Variants in RANBP2 observed in about 807,000 individuals in gnomAD.
RANBP2 encodes E3 SUMO-protein ligase RanBP2.
Under a neutral mutation model 303.6 loss-of-function variants are expected in RANBP2, and 57 were observed. That is an observed-to-expected ratio of 0.19 (90% CI 0.15 to 0.23). The LOEUF is 0.23. RANBP2 is among the 10% of genes least tolerant of loss of function. The pLI, the probability that RANBP2 is intolerant of heterozygous loss-of-function variation, is 1.00. For missense variants in RANBP2, 3,138 were observed against 3,780.8 expected (o/e 0.83, Z 4.46); for synonymous variants, 1,167 against 1,301.5 (o/e 0.90, Z 2.23).
At chr2:109,347,872 C>T in the RANBP2 span, 1 of 1,613,268 alleles carries the variant, frequency 6.2e-7, no homozygotes, top group Non-Finnish European at 8.5e-7. Context: ...GCCACACGCC[C>T]CGCCCCAGGG....
At chr2:108,911,218 G>A in the RANBP2 span, 2 of 1,022,688 alleles carry the variant, frequency 2.0e-6, no homozygotes, top group East Asian at 2.5e-5. Flanking sequence ...CTTAGACTGA[G>A]AACCAAATCC....
At chr2:108,823,321 G>C in the RANBP2 span, among the ~76,000 whole-genome samples, 1 of 152,114 alleles carries the variant, frequency 6.6e-6, no homozygotes, top group Non-Finnish European at 1.5e-5. Flanking sequence ...ACCAAAGCTA[G>C]ACAAAGACGC....
the RANBP2 span, among the ~76,000 whole-genome samples, chr2:109,662,032 G>A: frequency 3.9e-5 from 6 of 152,174 alleles, no homozygotes; most frequent in Admixed American, 1.3e-4. Flanking sequence ...TTCAGGGTCC[G>A]TCTCTGTATC....
chr2:109,037,145 T>A, the RANBP2 span, among the ~76,000 whole-genome samples: 1 of 151,016 alleles, frequency 6.6e-6, no homozygotes, highest in Non-Finnish European at 1.5e-5. Flanking sequence ...TGAGACCCTG[T>A]CTCAAAACAA....
At chr2:109,736,842 T>C in the RANBP2 span, among the ~76,000 whole-genome samples, 1 of 152,050 alleles carries the variant, frequency 6.6e-6, no homozygotes, top group Non-Finnish European at 1.5e-5. Flanking sequence ...AAAAATAAAA[T>C]GGTCACTCCC....
the RANBP2 span, among the ~76,000 whole-genome samples, chr2:109,161,285 CAGAGTT>C: frequency 1.3e-5 from 2 of 152,258 alleles, no homozygotes; most frequent in Non-Finnish European, 2.9e-5. Context: ...CAGGGTGCTA[CAGAGTT>C]AGGAGTGTGT....
At chr2:109,716,874 G>A in the RANBP2 span, among the ~76,000 whole-genome samples, 1 of 152,164 alleles carries the variant, frequency 6.6e-6, no homozygotes, top group Non-Finnish European at 1.5e-5. Context: ...ATAAGATAAG[G>A]TGAACATAGA....
At chr2:108,846,720 T>C in the RANBP2 span, 58 of 1,584,706 alleles carry the variant, frequency 3.7e-5, 1 homozygote, top group South Asian at 6.2e-4. Context: ...ATACTAAGAT[T>C]GTACATATTT....
the RANBP2 span, among the ~76,000 whole-genome samples, chr2:108,811,562 A>C: frequency 1.3e-5 from 2 of 151,730 alleles, no homozygotes; most frequent in East Asian, 3.9e-4. Flanking sequence ...TTCTTAGTCT[A>C]GCTCATGGTT....
At chr2:109,249,580 CTTCCT>C in the RANBP2 span, among the ~76,000 whole-genome samples, 112 of 102,632 alleles carry the variant, frequency 1.1e-3, 1 homozygote, top group South Asian at 2.2e-3. Context: ...TCCTTCCTTC[CTTCCT>C]TTCCTTTCTT....
chr2:109,088,624 G>A, the RANBP2 span, among the ~76,000 whole-genome samples: 4 of 152,006 alleles, frequency 2.6e-5, no homozygotes, highest in South Asian at 2.1e-4. Context: ...AGGTTCTCAC[G>A]CCTCAGCCTC....
chr2:109,717,763 A>G, the RANBP2 span, among the ~76,000 whole-genome samples: 2 of 150,594 alleles, frequency 1.3e-5, no homozygotes, highest in African/African-American at 4.9e-5. Context: ...AAAATACAAA[A>G]ATTAGCTGGG....
In RANBP2 at chr2:108,768,010, G is replaced by C. The variant is rs758152724; in HGVS notation, c.7471G>C (p.Ala2491Pro). Residue 2491 changes from alanine to proline, a missense_variant, in exon 20 of 29, where the codon GCA becomes CCA. Transcript: ENST00000283195. Reference protein sequence around the residue: ...DVIQGDDVADATSEVEVSSTS... With the variant: ...DVIQGDDVADPTSEVEVSSTS... ...TATTCAGGGTGATGATGTAGCAGAT[G>C]CAACTTCAGAAGTTGAAGTGTCTAG... 1 of 1,611,742 alleles carries C rather than the reference G, an allele frequency of 6.2e-7. No individual in the cohort carries two copies.
At chr2:109,691,788 T>TC in the RANBP2 span, among the ~76,000 whole-genome samples, 1 of 143,212 alleles carries the variant, frequency 7.0e-6, no homozygotes, top group Non-Finnish European at 1.6e-5. Flanking sequence ...TCAGTTTTTT[T>TC]GGTTTTTTTT....
At chr2:108,802,473 T>C in the RANBP2 span, among the ~76,000 whole-genome samples, 2 of 144,536 alleles carry the variant, frequency 1.4e-5, no homozygotes, top group Admixed American at 1.4e-4. Context: ...TTTTGTACAT[T>C]GATTTTGTAT....
chr2:108,986,073 G>A, the RANBP2 span, among the ~76,000 whole-genome samples: 1 of 152,108 alleles, frequency 6.6e-6, no homozygotes, highest in East Asian at 1.9e-4. Context: ...ACACTCTAAG[G>A]GCAATGATGA....
the RANBP2 span, among the ~76,000 whole-genome samples, chr2:109,541,232 C>T: frequency 2.0e-5 from 3 of 152,192 alleles, no homozygotes; most frequent in East Asian, 1.9e-4. Flanking sequence ...TGAGATCCCT[C>T]GATTTACCCC....
At chr2:109,356,413 C>T in the RANBP2 span, among the ~76,000 whole-genome samples, 1 of 152,180 alleles carries the variant, frequency 6.6e-6, no homozygotes, top group Non-Finnish European at 1.5e-5. Flanking sequence ...GGAGCCATGG[C>T]AGGGTCCACT....
the RANBP2 span, chr2:108,894,782 T>C: frequency 2.6e-5 from 4 of 152,168 alleles, no homozygotes; most frequent in East Asian, 7.7e-4. Context: ...TTTGTAACTA[T>C]ATAAGGAATA....
Sources: gnomAD v4.1 joint callset for allele counts (sites outside exome capture counted in the v4.1 genomes callset) on GRCh38, gnomAD v4.1.1 for gene constraint, MANE v1.5 for transcripts, NCBI Gene and HGNC (gene_info 2026-07-23, HGNC 2026-07-21) for gene names.